Variants in S100A13 observed in about 807,000 individuals in gnomAD.
S100A13 encodes the protein protein S100-A13.
In S100A13, 6 loss-of-function variants were observed where a neutral mutation model predicts 8.2. That is an observed-to-expected ratio of 0.73 (90% confidence interval 0.40 to 1.44). The LOEUF is 1.44. Ranked by LOEUF, S100A13 falls within the 40% of genes most tolerant of loss-of-function variation. S100A13 has a pLI of 0.02. For missense variants in S100A13, 114 were observed against 113.6 expected (o/e 1.00, Z -0.02); for synonymous variants, 39 against 45.9 (o/e 0.85, Z 0.61).
chr1:153,631,303 T>C, upstream of S100A13: 1 of 704,784 alleles, frequency 1.4e-6, no homozygotes, highest in Non-Finnish European at 2.3e-6. Flanking sequence ...CCAGCCCTGC[T>C]ACTTTCTAGC....
intron 2 of S100A13, among the ~76,000 whole-genome samples, chr1:153,619,522 C>G (rs766236493): frequency 4.9e-4 from 74 of 152,152 alleles, no homozygotes; most frequent in Non-Finnish European, 1.0e-4. Context: ...TTTGCACAAC[C>G]CTTGTGTCTT....
chr1:153,619,400 G>A (rs61805738), intron 2 of S100A13, among the ~76,000 whole-genome samples: 3,448 of 152,328 alleles, frequency 0.023, 64 homozygotes, highest in Middle Eastern at 0.044. Context: ...ATCGGCCCAA[G>A]GAATGCCAGC....
chr1:153,625,459 G>T (rs969479463), intron 2 of S100A13, among the ~76,000 whole-genome samples: 13 of 152,236 alleles, frequency 8.5e-5, no homozygotes, highest in Non-Finnish European at 1.6e-4. Flanking sequence ...TGCGAGAGAA[G>T]GAATGACTCT....
At chr1:153,630,421 C>G, upstream of S100A13, 21 of 1,487,862 alleles carry the variant, frequency 1.4e-5, no homozygotes, top group Non-Finnish European at 1.8e-5. Context: ...GAGCTGTCAG[C>G]CAGGGCCAGT....
chr1:153,630,427 C>T (rs1667937251), upstream of S100A13: 1 of 1,518,476 alleles, frequency 6.6e-7, no homozygotes, highest in African/African-American at 1.4e-5. Flanking sequence ...TCAGCCAGGG[C>T]CAGTCCTGAG....
chr1:153,626,187 T>G (rs954507245), intron 2 of S100A13, 133 bp downstream of exon 2: 2 of 799,432 alleles, frequency 2.5e-6, no homozygotes, highest in African/African-American at 3.4e-5. Context: ...AAAGAAAACC[T>G]GCAACCATTG....
At chr1:153,630,580 C>T (rs778293778), upstream of S100A13, 21 of 1,614,238 alleles carry the variant, frequency 1.3e-5, no homozygotes, top group East Asian at 2.2e-5. Flanking sequence ...CACGCCCACT[C>T]GGGCAAAGAG....
chr1:153,619,130 G>T, intron 2 of S100A13, 92 bp from the exon 3 acceptor site: 1 of 1,207,344 alleles, frequency 8.3e-7, no homozygotes, highest in South Asian at 1.4e-5. Context: ...TTCTCTCAAG[G>T]CCCTTCCCTC....
chr1:153,619,490 G>C (rs961900868), intron 2 of S100A13, among the ~76,000 whole-genome samples: 1 of 152,220 alleles, frequency 6.6e-6, no homozygotes, highest in African/African-American at 2.4e-5. Context: ...AGCTGGAGAA[G>C]CTCCCAGTAC....
chr1:153,627,226 A>G (rs1191179994), intron 1 of S100A13: 4 of 152,398 alleles, frequency 2.6e-5, no homozygotes, highest in Non-Finnish European at 5.9e-5. Context: ...AGGGTCCTGG[A>G]ACGGGGCGTC....
Position 153,619,136 on chromosome 1 carries a change from C to T in S100A13, c.154-98G>A, listed in dbSNP as rs78091153. On this transcript the variant is annotated intron_variant, in intron 2 of 2. Transcript: ENST00000476133. ...CAGCTGCTATTCTCTCAAGGCCCTT[C>T]CCTCAGAGAGCAGTGGCACCTGCCC... 11 of 1,133,560 alleles carry T rather than the reference C, an allele frequency of 9.7e-6. No individual in the cohort carries two copies. In the East Asian group the frequency reaches 2.6e-4, roughly 27 times the overall value. 70.2% of individuals were successfully genotyped at this position (1,133,560 alleles called of 1,614,324 possible).
upstream of S100A13, chr1:153,634,252 T>G (rs2101669831): frequency 6.6e-6 from 1 of 152,662 alleles, no homozygotes; most frequent in South Asian, 2.1e-4. Flanking sequence ...CCCGAGCCCC[T>G]CCACCGTCAA....
intron 2 of S100A13, among the ~76,000 whole-genome samples, chr1:153,622,023 T>C (rs1268299864): frequency 1.3e-5 from 2 of 152,066 alleles, no homozygotes; most frequent in Non-Finnish European, 1.5e-5. Context: ...GAAGTGTGGG[T>C]AGCCATATAA....
At chr1:153,631,797 G>A (rs1668025028), upstream of S100A13, 11 of 1,614,164 alleles carry the variant, frequency 6.8e-6, no homozygotes, top group Non-Finnish European at 8.5e-6. Flanking sequence ...GCTTGTGGCT[G>A]CTCTCACAGT....
At chr1:153,622,138 G>A (rs1667302572) in intron 2 of S100A13, among the ~76,000 whole-genome samples, 1 of 152,034 alleles carries the variant, frequency 6.6e-6, no homozygotes, top group Non-Finnish European at 1.5e-5. Flanking sequence ...GGGAGGCCGA[G>A]GCAGGCAGAT....
chr1:153,625,961 A>T (rs2101598498), intron 2 of S100A13, among the ~76,000 whole-genome samples: 1 of 152,334 alleles, frequency 6.6e-6, no homozygotes, highest in South Asian at 2.1e-4. Context: ...TGAGGTCAGG[A>T]GTTCGAGACC....
chr1:153,625,625 G>T (rs1231441115), intron 2 of S100A13, among the ~76,000 whole-genome samples: 1 of 152,212 alleles, frequency 6.6e-6, no homozygotes, highest in East Asian at 1.9e-4. Context: ...CCATATATGT[G>T]AAGTGAGGAA....
intron 2 of S100A13, among the ~76,000 whole-genome samples, chr1:153,624,018 C>T (rs991762675): frequency 6.6e-6 from 1 of 152,030 alleles, no homozygotes; most frequent in African/African-American, 2.4e-5. Context: ...GCAATGAGGA[C>T]CCGAGGGATG....
chr1:153,631,876 C>T (rs1296007956), upstream of S100A13: 1 of 1,606,068 alleles, frequency 6.2e-7, no homozygotes, highest in Non-Finnish European at 8.5e-7. Flanking sequence ...CCTTCCTCTC[C>T]ACCCTCCCAG....
Sources: gnomAD v4.1 joint callset for allele counts (sites outside exome capture counted in the v4.1 genomes callset) on GRCh38, gnomAD v4.1.1 for gene constraint, MANE v1.5 for transcripts, NCBI Gene and HGNC (gene_info 2026-07-23, HGNC 2026-07-21) for gene names.